Variants in CFH observed in about 807,000 individuals in gnomAD.
The protein encoded by CFH is complement factor H, also known as H factor 1 (complement).
CFH carries 53 observed loss-of-function variants against 147.3 expected under a neutral mutation model. The ratio of observed to expected loss-of-function variants is 0.36; its 90% confidence interval spans 0.29 to 0.45. The LOEUF (loss-of-function observed/expected upper bound fraction) is 0.45. Ranked by LOEUF, CFH falls within the 20% of genes least tolerant of loss-of-function variation. The pLI, the probability that CFH is intolerant of heterozygous loss-of-function variation, is 1.00. For missense variants in CFH, 1,380 were observed against 1,498.0 expected (o/e 0.92, Z 1.30); for synonymous variants, 536 against 489.4 (o/e 1.10, Z -1.26).
At chr1:196,684,692 G>C (rs545275482) in intron 6 of CFH, among the ~76,000 whole-genome samples, 1 of 151,960 alleles carries the variant, frequency 6.6e-6, no homozygotes, top group Non-Finnish European at 1.5e-5. Flanking sequence ...TTGTCCAGAA[G>C]AAAGAAACAC....
At chr1:196,675,381 GA>G (rs1306214322) in intron 3 of CFH, among the ~76,000 whole-genome samples, 1 of 152,142 alleles carries the variant, frequency 6.6e-6, no homozygotes, top group African/African-American at 2.4e-5. Flanking sequence ...GAGATGGAGA[GA>G]TGGAGGCAAG....
chr1:196,725,399 G>A, intron 12 of CFH, 102 bp downstream of exon 12: 2 of 1,113,406 alleles, frequency 1.8e-6, no homozygotes, highest in South Asian at 2.6e-5. Context: ...GTAATCTAAT[G>A]AATTAAGTCA....
At chr1:196,719,410 C>A (rs1329628355) in intron 11 of CFH, among the ~76,000 whole-genome samples, 1 of 151,772 alleles carries the variant, frequency 6.6e-6, no homozygotes, top group Admixed American at 6.6e-5. Flanking sequence ...GGAGAGAAAT[C>A]CCAGTGATTC....
chr1:196,706,330 G>T (rs1352185490), intron 9 of CFH, among the ~76,000 whole-genome samples: 1 of 152,108 alleles, frequency 6.6e-6, no homozygotes, highest in Non-Finnish European at 1.5e-5. Flanking sequence ...CCTGACTAAA[G>T]GCAGTCTTGG....
intron 1 of CFH, among the ~76,000 whole-genome samples, chr1:196,664,967 TTAA>T (rs1276375566): frequency 3.3e-5 from 5 of 152,004 alleles, no homozygotes; most frequent in South Asian, 2.1e-4. Context: ...TCAGTTTTAT[TTAA>T]TAATAATATT....
intron 11 of CFH, among the ~76,000 whole-genome samples, chr1:196,719,886 T>C (rs1288195644): frequency 1.1e-4 from 16 of 151,692 alleles, no homozygotes; most frequent in Non-Finnish European, 2.1e-4. Flanking sequence ...TCTTGGTTTG[T>C]TTTCTTTATT....
chr1:196,712,608 GTTATTA>G (rs371151489), intron 9 of CFH, among the ~76,000 whole-genome samples: 23 of 149,122 alleles, frequency 1.5e-4, no homozygotes, highest in East Asian at 1.2e-3. Context: ...CTTTTTTTGG[GTTATTA>G]TTATTATTAT....
chr1:196,688,359 T>C (rs982891108), intron 7 of CFH, among the ~76,000 whole-genome samples: 2 of 152,052 alleles, frequency 1.3e-5, no homozygotes, highest in Non-Finnish European at 1.5e-5. Context: ...ACATCAAAAT[T>C]ATTTTTCTCT....
At chr1:196,668,791 T>G (rs1558152467) in intron 1 of CFH, among the ~76,000 whole-genome samples, 1 of 152,164 alleles carries the variant, frequency 6.6e-6, no homozygotes. Flanking sequence ...TCTTTTTTTA[T>G]GAACTACCCA....
At chr1:196,686,927 G>C (rs1178038170) in intron 7 of CFH, among the ~76,000 whole-genome samples, 1 of 152,042 alleles carries the variant, frequency 6.6e-6, no homozygotes, top group African/African-American at 2.4e-5. Flanking sequence ...TCTCAGGCCT[G>C]CTTCATTACT....
At chr1:196,664,165 C>T (rs565686421) in intron 1 of CFH, among the ~76,000 whole-genome samples, 64 of 152,188 alleles carry the variant, frequency 4.2e-4, no homozygotes, top group Non-Finnish European at 7.9e-4. Flanking sequence ...AAGAGACCCT[C>T]CTGTCCCAGC....
Position 196,677,597 on chromosome 1 carries a change from G to A in CFH, c.549G>A (p.Lys183=), listed in dbSNP as rs1208450514. ...GGTTTGTATGTAACTCAGGCTACAA[G>A]ATTGAAGGAGATGAAGAAATGCATT... ...AVRFVCNSGY[K]IEGDEEMHCS... Residue 183 remains lysine, a synonymous_variant, in exon 5 of 22, where the codon AAG becomes AAA. Transcript: ENST00000367429. 1.9e-6 allele frequency: 3 copies of A among 1,613,344 alleles called. No individual in the cohort carries two copies. Among genetic ancestry groups the A allele is most frequent in the Non-Finnish European group, 2.5e-6 (3 of 1,179,494 alleles).
At chr1:196,703,786 C>G (rs1016328840) in intron 9 of CFH, among the ~76,000 whole-genome samples, 1 of 151,674 alleles carries the variant, frequency 6.6e-6, no homozygotes, top group East Asian at 2.0e-4. Flanking sequence ...AGATCGAGAC[C>G]ATCCTGGCTA....
At chr1:196,699,846 G>C (rs1668398403) in intron 9 of CFH, among the ~76,000 whole-genome samples, 1 of 152,056 alleles carries the variant, frequency 6.6e-6, no homozygotes, top group Non-Finnish European at 1.5e-5. Flanking sequence ...AATTCAACTA[G>C]GCTTGTAGGA....
chr1:196,673,101 A>G lies in CFH; in HGVS notation c.182A>G (p.Asn61Ser). Residue 61 changes from asparagine to serine, a missense_variant, in exon 2 of 22, where the codon AAT becomes AGT. Transcript: ENST00000367429. ...CGCCCTGGATATAGATCTCTTGGAA[A>G]TGTAATAATGGTATGCAGGAAGGGA... ...KCRPGYRSLG[N>S]VIMVCRKGEW... The G allele has an allele frequency of 6.2e-7, 1 of 1,614,058 alleles. No homozygotes were observed. Among genetic ancestry groups the G allele is most frequent in the Non-Finnish European group, 8.5e-7 (1 of 1,179,938 alleles).
intron 15 of CFH, among the ~76,000 whole-genome samples, chr1:196,729,099 A>T (rs1436147138): frequency 6.6e-6 from 1 of 152,002 alleles, no homozygotes; most frequent in African/African-American, 2.4e-5. Flanking sequence ...CATATTTTAT[A>T]TCTGTATTTT....
intron 9 of CFH, among the ~76,000 whole-genome samples, chr1:196,706,121 TC>T (rs1309496385): frequency 2.6e-5 from 4 of 152,060 alleles, no homozygotes; most frequent in South Asian, 4.2e-4. Flanking sequence ...CCCTCTGGGT[TC>T]ATCGGCACAG....
At chr1:196,684,061 T>C (rs1271510604) in intron 6 of CFH, among the ~76,000 whole-genome samples, 1 of 151,860 alleles carries the variant, frequency 6.6e-6, no homozygotes, top group Non-Finnish European at 1.5e-5. Context: ...TAAAACGAAT[T>C]TTGCAAATGG....
chr1:196,682,707 G>A (rs1667697999), intron 6 of CFH, among the ~76,000 whole-genome samples: 1 of 151,580 alleles, frequency 6.6e-6, no homozygotes, highest in African/African-American at 2.4e-5. Flanking sequence ...GGACTTATTT[G>A]AAGTTAGTGT....
Sources: allele counts gnomAD v4.1 joint callset (sites outside exome capture counted in the v4.1 genomes callset), GRCh38; gene constraint gnomAD v4.1.1; transcripts MANE v1.5; gene names NCBI Gene and HGNC (gene_info 2026-07-23, HGNC 2026-07-21).